ORC1: variants seen among roughly 807,000 people sequenced by gnomAD.
ORC1 encodes the protein origin recognition complex, subunit 1 homolog.
A neutral mutation model predicts 98.9 loss-of-function variants in ORC1; 61 were observed. That is an observed-to-expected ratio of 0.62 (90% CI 0.50 to 0.76). The LOEUF is 0.76. ORC1 is among the 30% of genes least tolerant of loss of function. ORC1 has a pLI of 0.00. For missense variants in ORC1, 979 were observed against 1,072.2 expected (o/e 0.91, Z 1.21); for synonymous variants, 385 against 406.9 (o/e 0.95, Z 0.65).
In ORC1 at chr1:52,385,360, A is replaced by G. The variant is rs568307000; in HGVS notation, c.1482-98T>C. On this transcript the variant is annotated intron_variant, in intron 9 of 16. Transcript: ENST00000371568. The stretch of plus-strand genomic sequence containing the variant: ...GGAAAATGATTATGGTTTCTTGTCT[A>G]TGTTTCTACCTGAAAACTCAATTTC... 1.0e-5 allele frequency: 9 copies of G among 874,362 alleles called. No individual in the cohort carries two copies. The African/African-American group carries it at 1.3e-4, about 13-fold the overall frequency. 54.2% of individuals were successfully genotyped at this position (874,362 alleles called of 1,614,324 possible).
Position 52,382,881 on chromosome 1 carries a change from A to C in ORC1, c.2013+539T>G, listed in dbSNP as rs185608729. Among the ~76,000 whole-genome samples, 32 of 151,942 alleles carry C rather than the reference A, an allele frequency of 2.1e-4. No individual in the cohort carries two copies. In the East Asian group the frequency reaches 5.0e-3, roughly 24 times the overall value. ...AGGCGTGAGCCACTGTGCCCAGCCT[A>C]AAACATTTTTTTTTTAAATAATTAA... On this transcript the variant is annotated intron_variant, in intron 13 of 16. Coordinates refer to ENST00000371568, the MANE Select transcript of ORC1 (RefSeq NM_004153.4).
Position 52,375,448 on chromosome 1 carries a change from G to A in ORC1, c.2285C>T (p.Ser762Leu), listed in dbSNP as rs776902088. The change falls in exon 15 of 17, where the codon TCA becomes TTA. Residue 762 changes from serine to leucine, a missense_variant. By Grantham distance (145) the Ser-to-Leu change is moderately radical. Coordinates refer to ENST00000371568, the MANE Select transcript of ORC1 (RefSeq NM_004153.4). ...MEAVDEMFSS[S>L]YITAIKNSSV... Reference sequence around the variant, plus strand: ...ATCTTACTTGATGGCCGTGATGTATGATGATGAAAACATCTCATCCACAGC... The same window carrying A: ...ATCTTACTTGATGGCCGTGATGTATAATGATGAAAACATCTCATCCACAGC... 3.7e-6 allele frequency: 6 copies of A among 1,614,024 alleles called. No homozygotes were observed. In the East Asian group the frequency reaches 1.3e-4, roughly 36 times the overall value.
At chr1:52,400,318 A>G (rs1647645070) in intron 3 of ORC1, among the ~76,000 whole-genome samples, 1 of 152,224 alleles carries the variant, frequency 6.6e-6, no homozygotes, top group Non-Finnish European at 1.5e-5. Context: ...CACTGGACAA[A>G]GGGATGACTC....
At chr1:52,406,505 A>G (rs1648002662), upstream of ORC1, among the ~76,000 whole-genome samples, 1 of 152,084 alleles carries the variant, frequency 6.6e-6, no homozygotes, top group Non-Finnish European at 1.5e-5. Context: ...GTTCACATCC[A>G]GATTCTGTTG....
upstream of ORC1, among the ~76,000 whole-genome samples, chr1:52,409,301 A>C (rs1404461887): frequency 6.6e-6 from 1 of 152,226 alleles, no homozygotes; most frequent in Non-Finnish European, 1.5e-5. Flanking sequence ...TACATGTATC[A>C]TTAAACAGTA....
Sources: allele counts gnomAD v4.1 joint callset (sites outside exome capture counted in the v4.1 genomes callset), GRCh38; gene constraint gnomAD v4.1.1; transcripts MANE v1.5; gene names NCBI Gene and HGNC (gene_info 2026-07-23, HGNC 2026-07-21).